DPYS: variants seen among roughly 807,000 people sequenced by gnomAD.
DPYS encodes dihydropyrimidinase.
DPYS carries 39 observed loss-of-function variants against 50.3 expected under a neutral mutation model. That is an observed-to-expected ratio of 0.78 (90% confidence interval 0.60 to 1.01). The LOEUF is 1.01. DPYS is among the 50% of genes least tolerant of loss of function. The pLI is 0.00. For missense variants in DPYS, 659 were observed against 680.9 expected (o/e 0.97, Z 0.36); for synonymous variants, 245 against 250.7 (o/e 0.98, Z 0.22).
At chr8:104,390,778 T>TAG (rs1588399732) in intron 8 of DPYS, among the ~76,000 whole-genome samples, 2 of 152,096 alleles carry the variant, frequency 1.3e-5, no homozygotes, top group East Asian at 3.9e-4. Context: ...GGATTACAGG[T>TAG]GTGAACCACC....
chr8:104,448,513 G>C (rs1041930156), intron 2 of DPYS, among the ~76,000 whole-genome samples: 11 of 152,054 alleles, frequency 7.2e-5, no homozygotes, highest in African/African-American at 2.4e-4. Context: ...AAATTCCAAA[G>C]GAAAAACTCA....
chr8:104,412,163 G>C (rs1317620712), intron 7 of DPYS, among the ~76,000 whole-genome samples: 1 of 152,176 alleles, frequency 6.6e-6, no homozygotes, highest in African/African-American at 2.4e-5. Context: ...AAGCCCCACT[G>C]CCAGCAGGAT....
At chr8:104,386,362 G>A (rs1333493417) in intron 8 of DPYS, among the ~76,000 whole-genome samples, 3 of 151,600 alleles carry the variant, frequency 2.0e-5, no homozygotes, top group South Asian at 2.1e-4. Flanking sequence ...GTGAAACCCC[G>A]TCTCTACTAA....
At chr8:104,387,998 C>T (rs1375204818) in intron 8 of DPYS, among the ~76,000 whole-genome samples, 3 of 152,146 alleles carry the variant, frequency 2.0e-5, no homozygotes. Context: ...ACATATGTCT[C>T]TTGTGAGCCA....
chr8:104,431,024 G>A (rs940857854), intron 4 of DPYS, among the ~76,000 whole-genome samples: 2 of 152,142 alleles, frequency 1.3e-5, no homozygotes, highest in African/African-American at 4.8e-5. Context: ...AGATGGACAC[G>A]ATATTTTATT....
intron 1 of DPYS, 96 bp downstream of exon 1, chr8:104,466,561 C>A (rs943685306): frequency 8.3e-6 from 11 of 1,329,982 alleles, no homozygotes; most frequent in Non-Finnish European, 9.7e-6. Context: ...GGCGCCGCGC[C>A]GCGCGAGGCG....
intron 2 of DPYS, among the ~76,000 whole-genome samples, chr8:104,447,989 A>G (rs992738671): frequency 6.6e-6 from 1 of 152,132 alleles, no homozygotes; most frequent in Non-Finnish European, 1.5e-5. Context: ...AGAAAGCACA[A>G]ACTCATGGTT....
At chr8:104,405,613 A>C (rs950241269) in intron 7 of DPYS, among the ~76,000 whole-genome samples, 7 of 152,210 alleles carry the variant, frequency 4.6e-5, no homozygotes, top group Non-Finnish European at 1.0e-4. Context: ...TTAGCAACTA[A>C]GTTGTATGGT....
At position 104,440,515 on chromosome 8, in the gene DPYS, C is replaced by T. The variant is rs367772709; in HGVS notation, c.793+3733G>A. On this transcript the variant is annotated intron_variant, in intron 4 of 9. Coordinates refer to ENST00000351513, the MANE Select transcript of DPYS (RefSeq NM_001385.3). The stretch of plus-strand genomic sequence containing the variant: ...CCTGACGTCAGGTGATCCACCCGCC[C>T]CGGCCTCCCAAAGTGCTGGGGTTAC... Among the ~76,000 whole-genome samples, 2 of 152,086 alleles carry T rather than the reference C, an allele frequency of 1.3e-5. 1 individual carries two copies. Among genetic ancestry groups the T allele is most frequent in the Admixed American group, 1.3e-4 (2 of 15,274 alleles).
chr8:104,451,510 G>A, intron 1 of DPYS, 106 bp from the exon 2 acceptor site: 1 of 1,437,718 alleles, frequency 7.0e-7, no homozygotes. Context: ...AACTCGATGG[G>A]TCCAGGAAAT....
In DPYS at chr8:104,466,737, C is replaced by T. The variant is rs1157817509; in HGVS notation, c.184G>A (p.Gly62Arg). Residue 62 changes from glycine (G) to arginine (R), a missense_variant, in exon 1 of 10, where the codon GGA (glycine) becomes AGA (arginine). Transcript: ENST00000351513. ...LDAAGKLVLP[G>R]GIDTHTHMQF... is the part of the protein sequence containing the mutation. ...ATGTGCGTGTGTGTGTCGATGCCTC[C>T]GGGCAGGACGAGCTTGCCGGCGGCG... 5.9e-6 allele frequency: 9 copies of T among 1,535,648 alleles called. No individual in the cohort carries two copies. Among genetic ancestry groups the T allele is most frequent in the Non-Finnish European group, 7.9e-6 (9 of 1,145,702 alleles).
At chr8:104,459,816 A>G (rs1814061668) in intron 1 of DPYS, among the ~76,000 whole-genome samples, 1 of 152,116 alleles carries the variant, frequency 6.6e-6, no homozygotes, top group Non-Finnish European at 1.5e-5. Flanking sequence ...CTGTCACAAA[A>G]CTGTCATATG....
At chr8:104,465,522 G>A (rs369909535) in intron 1 of DPYS, among the ~76,000 whole-genome samples, 1 of 152,148 alleles carries the variant, frequency 6.6e-6, no homozygotes, top group African/African-American at 2.4e-5. Flanking sequence ...CAAGTGCTGA[G>A]AGTAGAATTT....
chr8:104,428,185 C>A, intron 5 of DPYS, 64 bp from the exon 6 acceptor site: 1 of 1,600,926 alleles, frequency 6.2e-7, no homozygotes. Context: ...AGGAAACTGC[C>A]ATAACCTTTC....
chr8:104,466,412 G>T (rs1814393099), intron 1 of DPYS, among the ~76,000 whole-genome samples: 1 of 152,212 alleles, frequency 6.6e-6, no homozygotes, highest in African/African-American at 2.4e-5. Flanking sequence ...ACTAAAGGAG[G>T]AGTCGAGGGC....
intron 8 of DPYS, among the ~76,000 whole-genome samples, chr8:104,389,539 ATTTTTT>A (rs201683920): frequency 5.2e-5 from 6 of 116,502 alleles, no homozygotes; most frequent in Non-Finnish European, 1.0e-4. Flanking sequence ...TCTTCCTTTT[ATTTTTT>A]TTTTTTTGTC....
intron 4 of DPYS, among the ~76,000 whole-genome samples, chr8:104,438,719 G>C (rs1813238690): frequency 6.6e-6 from 1 of 152,068 alleles, no homozygotes; most frequent in Non-Finnish European, 1.5e-5. Flanking sequence ...AATACAGCTG[G>C]TAGACATCTG....
In DPYS at chr8:104,440,294, C is replaced by CTTTTTTTTTTTTTTTTTTTTTTTTTT. The variant is rs1564105066; in HGVS notation, c.793+3953_793+3954insAAAAAAAAAAAAAAAAAAAAAAAAAA. On this transcript the variant is annotated intron_variant, in intron 4 of 9. Transcript: ENST00000351513. ...AATGAAGCAATCAATAATTGGATCT[C>CTTTTTTTTTTTTTTTTTTTTTTTTTT]CTTTGTGCCTCCTGGAGCCGTGATT... Among the ~76,000 whole-genome samples the CTTTTTTTTTTTTTTTTTTTTTTTTTT allele has an allele frequency of 5.3e-5, 8 of 152,068 alleles. 1 individual carries two copies. Among genetic ancestry groups the CTTTTTTTTTTTTTTTTTTTTTTTTTT allele is most frequent in the African/African-American group, 1.7e-4 (7 of 41,360 alleles).
intron 7 of DPYS, among the ~76,000 whole-genome samples, chr8:104,393,506 A>G (rs953443541): frequency 6.6e-6 from 1 of 152,212 alleles, no homozygotes; most frequent in Admixed American, 6.5e-5. Context: ...CTTGGTAGTT[A>G]TCAAGGAAAA....
Sources: allele counts gnomAD v4.1 joint callset (sites outside exome capture counted in the v4.1 genomes callset), GRCh38; gene constraint gnomAD v4.1.1; transcripts MANE v1.5; gene names NCBI Gene and HGNC (gene_info 2026-07-23, HGNC 2026-07-21).